The following ASTN2 variants were observed in gnomAD, a reference collection of about 807,000 sequenced individuals.
The protein encoded by ASTN2 is astrotactin-2.
ASTN2 carries 54 observed loss-of-function variants against 139.8 expected under a neutral mutation model. The observed-to-expected ratio is 0.39, with a 90% CI of 0.31 to 0.48. The LOEUF (loss-of-function observed/expected upper bound fraction) is 0.48. ASTN2 is among the 20% of genes least tolerant of loss of function. The pLI, the probability that ASTN2 is intolerant of heterozygous loss-of-function variation, is 0.95. For missense variants in ASTN2, 1,565 were observed against 1,725.1 expected (o/e 0.91, Z 1.64); for synonymous variants, 756 against 719.5 (o/e 1.05, Z -0.81).
intron 3 of ASTN2, among the ~76,000 whole-genome samples, chr9:117,179,824 T>A (rs536782324): frequency 6.6e-6 from 1 of 152,168 alleles, no homozygotes; most frequent in Non-Finnish European, 1.5e-5. Context: ...CTGCTGAAAG[T>A]TGGTGTTTAG....
chr9:117,350,875 A>G (rs1411406889), intron 1 of ASTN2, among the ~76,000 whole-genome samples: 2 of 152,236 alleles, frequency 1.3e-5, no homozygotes, highest in African/African-American at 4.8e-5. Context: ...AGTTATGTTC[A>G]GTACTCAAGT....
intron 3 of ASTN2, among the ~76,000 whole-genome samples, chr9:117,187,213 A>AT (rs1831223103): frequency 6.6e-6 from 1 of 152,226 alleles, no homozygotes; most frequent in South Asian, 2.1e-4. Flanking sequence ...ACATTGTTTT[A>AT]TTTTTTATTT....
At chr9:117,252,640 T>C (rs1024245829) in intron 2 of ASTN2, among the ~76,000 whole-genome samples, 1 of 152,204 alleles carries the variant, frequency 6.6e-6, no homozygotes, top group Non-Finnish European at 1.5e-5. Context: ...ACTAGATATG[T>C]CTTGTACTAT....
At chr9:116,712,880 G>A (rs1828206454) in intron 16 of ASTN2, among the ~76,000 whole-genome samples, 1 of 152,114 alleles carries the variant, frequency 6.6e-6, no homozygotes, top group Non-Finnish European at 1.5e-5. Flanking sequence ...GAGTTTCCAC[G>A]TTAGGAAATG....
At chr9:116,452,734 C>T (rs1350630482) in intron 20 of ASTN2, among the ~76,000 whole-genome samples, 1 of 152,192 alleles carries the variant, frequency 6.6e-6, no homozygotes, top group Non-Finnish European at 1.5e-5. Context: ...AAGTCCACTG[C>T]TCTTTCCAAA....
At chr9:116,801,074 T>C (rs1830833155) in intron 13 of ASTN2, among the ~76,000 whole-genome samples, 1 of 152,064 alleles carries the variant, frequency 6.6e-6, no homozygotes, top group African/African-American at 2.4e-5. Context: ...TGTCAGGAAA[T>C]GAGGCATATG....
chr9:116,632,252 G>GAAAGAAAGAAAGAAAGAAGGAAA (rs1856833378), intron 17 of ASTN2, among the ~76,000 whole-genome samples: 9 of 70,922 alleles, frequency 1.3e-4, no homozygotes, highest in African/African-American at 2.1e-4. Context: ...AAAGAAAGAA[G>GAAAGAAAGAAAGAAAGAAGGAAA]GAAAGAAAGA....
At chr9:116,951,547 C>T (rs1319090554) in intron 10 of ASTN2, among the ~76,000 whole-genome samples, 1 of 151,888 alleles carries the variant, frequency 6.6e-6, no homozygotes, top group East Asian at 1.9e-4. Context: ...AGAACAAGGT[C>T]CTTCAATAAA....
intron 13 of ASTN2, among the ~76,000 whole-genome samples, chr9:116,792,162 T>A (rs1409761948): frequency 1.3e-5 from 2 of 152,058 alleles, no homozygotes; most frequent in Non-Finnish European, 2.9e-5. Context: ...AATTCCCTGC[T>A]CCCCATTAAA....
intron 10 of ASTN2, among the ~76,000 whole-genome samples, chr9:116,924,467 TG>T (rs991207382): frequency 6.6e-6 from 1 of 151,306 alleles, no homozygotes; most frequent in South Asian, 2.1e-4. Context: ...GCTACTCCAT[TG>T]GCAGCGGTGG....
intron 19 of ASTN2, among the ~76,000 whole-genome samples, chr9:116,589,138 C>T (rs1374439302): frequency 2.0e-5 from 3 of 152,162 alleles, no homozygotes; most frequent in Non-Finnish European, 2.9e-5. Context: ...CACAGGGAAC[C>T]TTCTGGCTGT....
intron 11 of ASTN2, among the ~76,000 whole-genome samples, chr9:116,853,462 C>G (rs1189394428): frequency 6.6e-6 from 1 of 152,146 alleles, no homozygotes; most frequent in Non-Finnish European, 1.5e-5. Flanking sequence ...CTTGGCACAA[C>G]CACTAAAAGT....
chr9:116,803,496 ATATATATATATATATATATATATATAT>A (rs1453699407), intron 13 of ASTN2, among the ~76,000 whole-genome samples: 5 of 67,416 alleles, frequency 7.4e-5, no homozygotes, highest in Non-Finnish European at 9.8e-5. Flanking sequence ...ATATATATAT[ATATATATATATATATATATATATATAT>A]TTTTTTTTTT....
chr9:116,888,754 T>C (rs1012198535), intron 10 of ASTN2, among the ~76,000 whole-genome samples: 2 of 152,134 alleles, frequency 1.3e-5, no homozygotes, highest in East Asian at 1.9e-4. Flanking sequence ...GTTTGTTACA[T>C]AGGTAAATGT....
chr9:116,560,722 C>T (rs1037869089), intron 19 of ASTN2, among the ~76,000 whole-genome samples: 21 of 152,232 alleles, frequency 1.4e-4, no homozygotes, highest in African/African-American at 4.8e-4. Context: ...TGTCTTTAAC[C>T]TCTAGCAAAA....
chr9:117,293,384 TAC>T lies in ASTN2; in HGVS notation c.443-1873_443-1872del, dbSNP rs1012499107. ...ATCTCACATCACTAAGCCCTCCATT[TAC>T]AGTCTTTGCATGGCCTCCTACTCAT... On this transcript the variant is annotated intron_variant, in intron 1 of 22. Coordinates refer to ENST00000313400, the MANE Select transcript of ASTN2 (RefSeq NM_001365068.1). Among the ~76,000 whole-genome samples the T allele has an allele frequency of 3.3e-4, 51 of 152,312 alleles. 1 individual carries two copies. The highest frequency in any genetic ancestry group is 1.2e-3 in the African/African-American group (49 of 41,580).
intron 6 of ASTN2, among the ~76,000 whole-genome samples, chr9:117,022,017 T>C (rs1417140538): frequency 6.6e-6 from 1 of 152,120 alleles, no homozygotes; most frequent in Non-Finnish European, 1.5e-5. Context: ...ACATATTAGC[T>C]TTGGATATAG....
intron 5 of ASTN2, among the ~76,000 whole-genome samples, chr9:117,050,633 A>T (rs928380030): frequency 1.3e-5 from 2 of 152,154 alleles, no homozygotes; most frequent in Non-Finnish European, 2.9e-5. Flanking sequence ...ATATGAACAG[A>T]GCTAGAATAT....
At chr9:116,456,436 G>A (rs1404955740) in intron 20 of ASTN2, among the ~76,000 whole-genome samples, 1 of 152,090 alleles carries the variant, frequency 6.6e-6, no homozygotes, top group African/African-American at 2.4e-5. Flanking sequence ...GCAATCTATA[G>A]ATTCAATGCA....
Sources: allele counts gnomAD v4.1 joint callset (sites outside exome capture counted in the v4.1 genomes callset), GRCh38; gene constraint gnomAD v4.1.1; transcripts MANE v1.5; gene names NCBI Gene and HGNC (gene_info 2026-07-23, HGNC 2026-07-21).